The following CNTN4 variants were observed in gnomAD, a reference collection of about 807,000 sequenced individuals.
CNTN4 encodes the protein contactin-4.
Under a neutral mutation model 122.5 loss-of-function variants are expected in CNTN4, and 77 were observed. The ratio of observed to expected loss-of-function variants is 0.63; its 90% CI spans 0.52 to 0.76. CNTN4 has a LOEUF of 0.76. Ranked by LOEUF, CNTN4 falls within the 30% of genes least tolerant of loss-of-function variation. The pLI is 0.00. For missense variants in CNTN4, 1,256 were observed against 1,259.1 expected (o/e 1.00, Z 0.04); for synonymous variants, 512 against 447.0 (o/e 1.15, Z -1.83).
intron 5 of CNTN4, among the ~76,000 whole-genome samples, chr3:2,741,914 C>G (rs961839957): frequency 6.6e-6 from 1 of 152,214 alleles, no homozygotes; most frequent in African/African-American, 2.4e-5. Flanking sequence ...CCAGGAAACA[C>G]TGAGAACAAA....
Position 2,402,879 on chromosome 3 carries a change from G to A in CNTN4, c.-89+63646G>A, listed in dbSNP as rs146673051. 1.9e-3 allele frequency among the ~76,000 whole-genome samples: 287 copies of A among 152,260 alleles called. 2 individuals are homozygous for A. The highest frequency in any genetic ancestry group is 6.6e-3 in the African/African-American group (276 of 41,552). On this transcript the variant is annotated intron_variant, in intron 3 of 24. Transcript: ENST00000418658. Reference sequence around the variant, plus strand: ...TTACGCAGTACAAATTGCTGTGATTGCAATAGTTCCTTGTGTATCTCATCT... The same window carrying A: ...TTACGCAGTACAAATTGCTGTGATTACAATAGTTCCTTGTGTATCTCATCT...
chr3:2,962,636 C>T (rs539134426), intron 13 of CNTN4, among the ~76,000 whole-genome samples: 1 of 152,282 alleles, frequency 6.6e-6, no homozygotes, highest in Admixed American at 6.5e-5. Flanking sequence ...CTTTGTCCTG[C>T]TGTTCCAGGA....
At chr3:2,759,540 T>A (rs2090491037) in intron 6 of CNTN4, among the ~76,000 whole-genome samples, 1 of 152,212 alleles carries the variant, frequency 6.6e-6, no homozygotes, top group Admixed American at 6.5e-5. Flanking sequence ...ACGCTTGGGT[T>A]CTTTTTACTT....
chr3:3,027,938 G>C (rs1277265917), intron 15 of CNTN4, among the ~76,000 whole-genome samples: 1 of 152,150 alleles, frequency 6.6e-6, no homozygotes, highest in African/African-American at 2.4e-5. Flanking sequence ...TATCTCCCCT[G>C]TTAAACTAGT....
At chr3:2,667,540 T>G (rs2084242571) in intron 4 of CNTN4, among the ~76,000 whole-genome samples, 1 of 152,080 alleles carries the variant, frequency 6.6e-6, no homozygotes. Flanking sequence ...ATTCTGTAGG[T>G]TCCCTATTCA....
At chr3:2,811,407 C>CAAAAAAAAA (rs143290005) in intron 6 of CNTN4, among the ~76,000 whole-genome samples, 1 of 124,086 alleles carries the variant, frequency 8.1e-6, no homozygotes. Flanking sequence ...GACTCAGTGT[C>CAAAAAAAAA]AAAAAAAAAA....
chr3:2,895,838 T>G (rs9880244), intron 10 of CNTN4, among the ~76,000 whole-genome samples: 179 of 152,206 alleles, frequency 1.2e-3, no homozygotes, highest in African/African-American at 3.9e-3. Context: ...ATCGAGACCA[T>G]CCTGGCTAAC....
At chr3:2,324,070 C>G (rs192759886) in intron 2 of CNTN4, among the ~76,000 whole-genome samples, 90 of 152,306 alleles carry the variant, frequency 5.9e-4, no homozygotes, top group Middle Eastern at 6.8e-3. Flanking sequence ...CTCCTGGCCT[C>G]TACTATTAGA....
chr3:2,674,897 C>G (rs1193490763), intron 4 of CNTN4, among the ~76,000 whole-genome samples: 1 of 152,184 alleles, frequency 6.6e-6, no homozygotes, highest in East Asian at 1.9e-4. Context: ...CCCTATAGTT[C>G]CCAGCCTCTA....
At chr3:3,031,768 G>A (rs1451235852) in intron 16 of CNTN4, among the ~76,000 whole-genome samples, 3 of 152,104 alleles carry the variant, frequency 2.0e-5, no homozygotes, top group African/African-American at 4.8e-5. Context: ...TTAAAATAGA[G>A]GCCAATCCAG....
intron 4 of CNTN4, among the ~76,000 whole-genome samples, chr3:2,672,417 C>T (rs1256239701): frequency 2.6e-5 from 4 of 152,236 alleles, no homozygotes; most frequent in East Asian, 1.9e-4. Flanking sequence ...CCGAGCCATG[C>T]GCGGGATATA....
At chr3:2,455,327 A>G (rs1171596604) in intron 3 of CNTN4, among the ~76,000 whole-genome samples, 2 of 152,150 alleles carry the variant, frequency 1.3e-5, no homozygotes, top group South Asian at 2.1e-4. Context: ...CGACAAGTGT[A>G]ATGAACTGTT....
intron 6 of CNTN4, among the ~76,000 whole-genome samples, chr3:2,817,408 G>A (rs1259618194): frequency 6.6e-6 from 1 of 152,084 alleles, no homozygotes; most frequent in Non-Finnish European, 1.5e-5. Context: ...TGTATAGGTA[G>A]GGTTTATCAT....
chr3:2,778,954 A>T (rs1454289430), intron 6 of CNTN4, among the ~76,000 whole-genome samples: 1 of 152,232 alleles, frequency 6.6e-6, no homozygotes, highest in Non-Finnish European at 1.5e-5. Context: ...TTTTGCTATT[A>T]GTTGCTAAGA....
intron 3 of CNTN4, among the ~76,000 whole-genome samples, chr3:2,566,220 A>G (rs1366451169): frequency 6.6e-6 from 1 of 152,196 alleles, no homozygotes; most frequent in East Asian, 1.9e-4. Context: ...AAAAGACACA[A>G]TACTTTTAGA....
At chr3:2,856,364 T>C (rs1162919723) in intron 7 of CNTN4, among the ~76,000 whole-genome samples, 1 of 152,180 alleles carries the variant, frequency 6.6e-6, no homozygotes, top group African/African-American at 2.4e-5. Flanking sequence ...ATTTTCCTGG[T>C]CAGGAAATGG....
rs763561091 is a variant in CNTN4 at position 3,037,161 on chromosome 3, C to T, written c.1943-18C>T. 4 of 1,614,108 alleles carry T rather than the reference C, an allele frequency of 2.5e-6. No individual in the cohort carries two copies. In the Admixed American group the frequency reaches 5.0e-5, roughly 20 times the overall value. On this transcript the variant is annotated intron_variant, in intron 17 of 24. Coordinates refer to ENST00000418658, the MANE Select transcript of CNTN4 (RefSeq NM_175607.3). ...CTGAGAACCTATGAAACAGCCCCCA[C>T]CTTTTGTTGTCTTTCAGTCCCAGAA...
intron 2 of CNTN4, among the ~76,000 whole-genome samples, chr3:2,235,440 C>T (rs957401250): frequency 6.6e-6 from 1 of 152,080 alleles, no homozygotes; most frequent in Admixed American, 6.6e-5. Context: ...AAAATTTTGA[C>T]ATTTAACACA....
In CNTN4 at chr3:2,712,706, A is replaced by G. The variant is rs76573640; in HGVS notation, c.56-23509A>G. ...CTTCAAGATGGGTCTGGTCACCAGA[A>G]AGACAAAGTCATGCTTAGAGGATTG... On this transcript the variant is annotated intron_variant, in intron 4 of 24. Coordinates refer to ENST00000418658, the MANE Select transcript of CNTN4 (RefSeq NM_175607.3). Among the ~76,000 whole-genome samples the G allele has an allele frequency of 4.1e-3, 632 of 152,328 alleles. 2 individuals carry two copies. Among genetic ancestry groups the G allele is most frequent in the African/African-American group, 0.014 (578 of 41,578 alleles).
Sources: allele counts gnomAD v4.1 joint callset (sites outside exome capture counted in the v4.1 genomes callset), GRCh38; gene constraint gnomAD v4.1.1; transcripts MANE v1.5; gene names NCBI Gene and HGNC (gene_info 2026-07-23, HGNC 2026-07-21).